MRPL3: variants seen among roughly 807,000 people sequenced by gnomAD.
MRPL3 encodes the protein mitochondrial ribosomal protein L3.
A neutral mutation model predicts 44.3 loss-of-function variants in MRPL3; 43 were observed. The observed-to-expected ratio is 0.97, with a 90% CI of 0.76 to 1.25. The LOEUF is 1.25. Among genes scored for constraint, MRPL3 ranks in the 50% most tolerant of loss-of-function variants. The pLI is 0.00. For synonymous variants in MRPL3, 171 were observed against 152.3 expected, an observed-to-expected ratio of 1.12 and a Z score of -0.91; for missense variants, 406 against 427.6, an observed-to-expected ratio of 0.95 and a Z score of 0.45.
At chr3:131,467,210 T>C (rs1933629341) in intron 9 of MRPL3, among the ~76,000 whole-genome samples, 1 of 151,908 alleles carries the variant, frequency 6.6e-6, no homozygotes, top group Non-Finnish European at 1.5e-5. Flanking sequence ...TGTGTGTGCA[T>C]TCTCTAGAAT....
At position 131,471,924 on chromosome 3, in the gene MRPL3, C is replaced by G. The variant is rs142377367; in HGVS notation, c.630-645G>C. Among the ~76,000 whole-genome samples, 347 of 152,184 alleles carry G rather than the reference C, an allele frequency of 2.3e-3. 4 individuals carry two copies. Among genetic ancestry groups the G allele is most frequent in the African/African-American group, 7.8e-3 (325 of 41,538 alleles). ...CTGCAAGGATGTCTCCAGCTATTAA[C>G]GAAGGACCTGAGGTCTGCCAATGGA... On this transcript the variant is annotated intron_variant, in intron 6 of 9. Coordinates refer to ENST00000264995, the MANE Select transcript of MRPL3 (RefSeq NM_007208.4).
At chr3:131,493,803 T>C (rs1004163286) in intron 4 of MRPL3, among the ~76,000 whole-genome samples, 8 of 152,110 alleles carry the variant, frequency 5.3e-5, no homozygotes, top group East Asian at 3.9e-4. Context: ...ACCAAACCAA[T>C]AGTAATTGTA....
chr3:131,464,088 G>C (rs1933548509), intron 9 of MRPL3, among the ~76,000 whole-genome samples: 1 of 151,938 alleles, frequency 6.6e-6, no homozygotes, highest in Admixed American at 6.6e-5. Flanking sequence ...ATTAATCTTA[G>C]GTTGAACTTT....
rs1199160419 is a variant in MRPL3 at position 131,487,518 on chromosome 3, A to T, written c.629+162T>A. On this transcript the variant is annotated intron_variant, in intron 6 of 9. Coordinates refer to ENST00000264995, the MANE Select transcript of MRPL3 (RefSeq NM_007208.4). ...CCTTTACATACAATTAATTTGGCAC[A>T]ATTTAAAAACCAGTGTAGGTAACAT... The T allele has an allele frequency of 8.1e-6, 5 of 620,130 alleles. No homozygotes were observed. In the East Asian group the frequency reaches 1.5e-4, roughly 19 times the overall value. The allele number at this position is 620,130 out of a possible 1,614,324, so 38.4% of individuals were successfully genotyped here.
Position 131,502,869 on chromosome 3 carries a change from C to T in MRPL3, c.-48G>A, listed in dbSNP as rs765668844. The T allele has an allele frequency of 3.2e-6, 5 of 1,576,068 alleles. No individual in the cohort carries two copies. The highest frequency in any genetic ancestry group is 1.1e-5 in the South Asian group (1 of 88,420). ...CTCACGACTTCCGGGCGCCCTGCCG[C>T]TCTGCTTTCAGGGAGTCCCCACGCC... On this transcript the variant is annotated 5_prime_UTR_variant, in exon 1 of 10. Coordinates refer to ENST00000264995, the MANE Select transcript of MRPL3 (RefSeq NM_007208.4).
chr3:131,464,671 G>A (rs1243755570), intron 9 of MRPL3, among the ~76,000 whole-genome samples: 1 of 152,120 alleles, frequency 6.6e-6, no homozygotes, highest in African/African-American at 2.4e-5. Flanking sequence ...TACTTATTAT[G>A]CTGTAAACAA....
intron 5 of MRPL3, 136 bp downstream of exon 5, chr3:131,489,845 T>C (rs370806578): frequency 2.2e-6 from 1 of 451,538 alleles, no homozygotes; most frequent in Admixed American, 3.6e-5. Context: ...AAAAACAAAA[T>C]GAGATACAGT....
chr3:131,483,577 A>G (rs1934044086), intron 6 of MRPL3, among the ~76,000 whole-genome samples: 1 of 152,206 alleles, frequency 6.6e-6, no homozygotes, highest in Non-Finnish European at 1.5e-5. Flanking sequence ...ATTTATCTAG[A>G]GAATTATAAC....
intron 6 of MRPL3, among the ~76,000 whole-genome samples, chr3:131,479,635 G>A (rs1399659929): frequency 6.6e-6 from 1 of 152,226 alleles, no homozygotes; most frequent in African/African-American, 2.4e-5. Context: ...CACGAGGTCA[G>A]GAGATCCAGA....
chr3:131,477,778 T>C (rs1334284668), intron 6 of MRPL3, among the ~76,000 whole-genome samples: 1 of 152,210 alleles, frequency 6.6e-6, no homozygotes, highest in Admixed American at 6.5e-5. Flanking sequence ...ACCTAAAAAA[T>C]TTAGTAATTT....
At chr3:131,462,940 T>C in intron 9 of MRPL3, 65 bp from the exon 10 acceptor site, 3 of 1,379,792 alleles carry the variant, frequency 2.2e-6, no homozygotes. Context: ...TTTCAGCTAT[T>C]ATTCATAATC....
rs562333684 is a variant in MRPL3, at chr3:131,493,668, T to C, written c.469-3588A>G. The stretch of plus-strand genomic sequence containing the variant: ...TCTACTCTTCTGCTCCATCAGTTCT[T>C]GGAACACGACGTTACTGTGTTTGTG... On this transcript the variant is annotated intron_variant, in intron 4 of 9. Coordinates refer to ENST00000264995, the MANE Select transcript of MRPL3 (RefSeq NM_007208.4). Among the ~76,000 whole-genome samples the C allele has an allele frequency of 9.2e-5, 14 of 152,330 alleles. No individual in the cohort carries two copies. In the East Asian group the frequency reaches 2.7e-3, roughly 29 times the overall value.
intron 5 of MRPL3, chr3:131,488,842 T>C (rs1934186575): frequency 6.6e-6 from 1 of 152,088 alleles, no homozygotes; most frequent in Non-Finnish European, 1.5e-5. Context: ...TTCCACATTG[T>C]CTACATATTA....
At chr3:131,487,810 CTA>C in intron 5 of MRPL3, 70 bp from the exon 6 acceptor site, 1 of 1,266,700 alleles carries the variant, frequency 7.9e-7, no homozygotes, top group Non-Finnish European at 1.1e-6. Flanking sequence ...TCAACATAAA[CTA>C]TATCCAGGAA....
At chr3:131,480,713 T>C (rs1243581932) in intron 6 of MRPL3, among the ~76,000 whole-genome samples, 1 of 152,164 alleles carries the variant, frequency 6.6e-6, no homozygotes. Flanking sequence ...TTCTACAATA[T>C]CATGAAAGGA....
chr3:131,467,970 A>C (rs1933653453), intron 9 of MRPL3, 121 bp downstream of exon 9: 1 of 483,456 alleles, frequency 2.1e-6, no homozygotes, highest in South Asian at 5.5e-5. Context: ...TATGAGAAAA[A>C]GGAGACTTTA....
chr3:131,484,061 C>T (rs1934056024), intron 6 of MRPL3, among the ~76,000 whole-genome samples: 1 of 151,998 alleles, frequency 6.6e-6, no homozygotes, highest in Non-Finnish European at 1.5e-5. Flanking sequence ...AATAAATACT[C>T]ACTTTTATTG....
intron 9 of MRPL3, among the ~76,000 whole-genome samples, chr3:131,464,595 GA>G (rs1287417730): frequency 6.6e-6 from 1 of 152,020 alleles, no homozygotes; most frequent in East Asian, 1.9e-4. Flanking sequence ...AGGCAAATCT[GA>G]AAATAAATGA....
At chr3:131,464,836 A>G (rs1933565432) in intron 9 of MRPL3, among the ~76,000 whole-genome samples, 1 of 152,228 alleles carries the variant, frequency 6.6e-6, no homozygotes, top group Admixed American at 6.5e-5. Flanking sequence ...TGAGGAAACA[A>G]AAGCTCCCAA....
Sources: gnomAD v4.1 joint callset for allele counts (sites outside exome capture counted in the v4.1 genomes callset) on GRCh38, gnomAD v4.1.1 for gene constraint, MANE v1.5 for transcripts, NCBI Gene and HGNC (gene_info 2026-07-23, HGNC 2026-07-21) for gene names.